ZNF385B: variants seen among roughly 807,000 people sequenced by gnomAD.
ZNF385B encodes the protein zinc finger protein 385B, also known as zinc finger protein 533.
Under a neutral mutation model 39.2 loss-of-function variants are expected in ZNF385B, and 23 were observed. That is an observed-to-expected ratio of 0.59 (90% CI 0.42 to 0.83). ZNF385B has a LOEUF of 0.83. Among genes scored for constraint, ZNF385B ranks in the 40% least tolerant of loss-of-function variants. ZNF385B has a pLI of 0.00. For synonymous variants in ZNF385B, 205 were observed against 222.6 expected (o/e 0.92, Z 0.70); for missense variants, 552 against 598.9 (o/e 0.92, Z 0.82).
intron 3 of ZNF385B, among the ~76,000 whole-genome samples, chr2:179,691,243 G>A (rs143091055): frequency 1.3e-4 from 19 of 151,904 alleles, no homozygotes; most frequent in South Asian, 1.0e-3. Flanking sequence ...CTATGAAAAC[G>A]AACTCAAAAG....
At chr2:179,760,748 C>T (rs1703332984) in intron 3 of ZNF385B, among the ~76,000 whole-genome samples, 2 of 152,068 alleles carry the variant, frequency 1.3e-5, no homozygotes, top group Non-Finnish European at 2.9e-5. Context: ...GAAAGGAGAT[C>T]TGAAGAAAAG....
intron 3 of ZNF385B, among the ~76,000 whole-genome samples, chr2:179,718,950 CTGTGTG>C (rs150262834): frequency 6.7e-6 from 1 of 149,938 alleles, no homozygotes; most frequent in African/African-American, 2.5e-5. Flanking sequence ...CTTTAAAACT[CTGTGTG>C]TGTGTGTGTG....
intron 5 of ZNF385B, among the ~76,000 whole-genome samples, chr2:179,493,460 T>C (rs563565615): frequency 1.3e-5 from 2 of 149,292 alleles, no homozygotes; most frequent in Admixed American, 6.8e-5. Flanking sequence ...TACATGTGTG[T>C]ACATATATGC....
Position 179,688,497 on chromosome 2 carries a change from AAC to A in ZNF385B, c.298+81004_298+81005del, listed in dbSNP as rs1698099572. On this transcript the variant is annotated intron_variant, in intron 3 of 9. Transcript: ENST00000410066. ...CCACCCTGTCCCCCTGCAAAACAAC[AAC>A]AACAACAACAACAACAACAAAAACA... 2.0e-5 allele frequency among the ~76,000 whole-genome samples: 3 copies of A among 149,952 alleles called. No homozygotes were observed. The Admixed American group carries it at 2.0e-4, about 10-fold the overall frequency.
At chr2:179,673,062 T>C (rs1229202073) in intron 3 of ZNF385B, among the ~76,000 whole-genome samples, 3 of 152,138 alleles carry the variant, frequency 2.0e-5, no homozygotes, top group South Asian at 4.1e-4. Context: ...CTGTTTTGGT[T>C]AGATATTGAG....
rs151038210 is a variant in ZNF385B, at chr2:179,454,606, G to A, written c.716-7836C>T. 4.4e-3 allele frequency among the ~76,000 whole-genome samples: 671 copies of A among 152,298 alleles called. 6 individuals are homozygous for A. The highest frequency in any genetic ancestry group is 0.015 in the African/African-American group (627 of 41,558). On this transcript the variant is annotated intron_variant, in intron 6 of 9. Coordinates refer to ENST00000410066, the MANE Select transcript of ZNF385B (RefSeq NM_152520.6). ...TTATCATTTATGACAGCTCCACTGT[G>A]TAATTGTGCCTGGAGACCTTCCAGT...
chr2:179,749,142 A>G lies in ZNF385B; in HGVS notation c.298+20361T>C, dbSNP rs188107544. Reference sequence around the variant, plus strand: ...CAGCAGCTTCCAAAAGTAACTTACTATCCTATAAGATGAGTAACACTTCAG... The same window carrying G: ...CAGCAGCTTCCAAAAGTAACTTACTGTCCTATAAGATGAGTAACACTTCAG... On this transcript the variant is annotated intron_variant, in intron 3 of 9. Transcript: ENST00000410066. 3.9e-5 allele frequency among the ~76,000 whole-genome samples: 6 copies of G among 152,166 alleles called. No homozygotes were observed. In the East Asian group the frequency reaches 9.7e-4, roughly 25 times the overall value.
intron 1 of ZNF385B, among the ~76,000 whole-genome samples, chr2:179,819,691 A>G (rs767684193): frequency 6.6e-6 from 1 of 152,174 alleles, no homozygotes; most frequent in Non-Finnish European, 1.5e-5. Flanking sequence ...CATAGTCACT[A>G]TTGAGATGAT....
chr2:179,605,421 G>A (rs1299702344), intron 3 of ZNF385B, among the ~76,000 whole-genome samples: 1 of 152,036 alleles, frequency 6.6e-6, no homozygotes, highest in Non-Finnish European at 1.5e-5. Flanking sequence ...ATCATCAATT[G>A]TTAATAAGTA....
intron 1 of ZNF385B, among the ~76,000 whole-genome samples, chr2:179,782,585 A>G (rs1212061041): frequency 6.6e-6 from 1 of 152,208 alleles, no homozygotes; most frequent in East Asian, 1.9e-4. Context: ...AGAAAACTCC[A>G]TAGTCTCAGC....
At chr2:179,788,096 T>C (rs1307282479) in intron 1 of ZNF385B, among the ~76,000 whole-genome samples, 2 of 152,206 alleles carry the variant, frequency 1.3e-5, no homozygotes, top group African/African-American at 2.4e-5. Flanking sequence ...GGTCAAAAAG[T>C]GTAACTTATG....
intron 3 of ZNF385B, among the ~76,000 whole-genome samples, chr2:179,571,433 A>AT (rs1288018026): frequency 6.6e-6 from 1 of 152,180 alleles, no homozygotes; most frequent in Non-Finnish European, 1.5e-5. Context: ...CCGAAGGAAG[A>AT]TTACCTCTAT....
chr2:179,632,005 A>G (rs1196890307), intron 3 of ZNF385B, among the ~76,000 whole-genome samples: 1 of 152,188 alleles, frequency 6.6e-6, no homozygotes, highest in African/African-American at 2.4e-5. Context: ...TATCCTAAAT[A>G]TATATGCACC....
chr2:179,696,291 AG>A (rs201192062), intron 3 of ZNF385B, among the ~76,000 whole-genome samples: 227 of 145,440 alleles, frequency 1.6e-3, no homozygotes, highest in Middle Eastern at 0.011. Flanking sequence ...TAAAAAGAAA[AG>A]AAATTATACT....
At chr2:179,641,330 C>T (rs1391511665) in intron 3 of ZNF385B, among the ~76,000 whole-genome samples, 1 of 152,094 alleles carries the variant, frequency 6.6e-6, no homozygotes, top group Non-Finnish European at 1.5e-5. Context: ...AATTGCCCTT[C>T]TCACACCTTC....
At chr2:179,777,623 A>G (rs1180612196) in intron 1 of ZNF385B, among the ~76,000 whole-genome samples, 1 of 152,130 alleles carries the variant, frequency 6.6e-6, no homozygotes, top group Non-Finnish European at 1.5e-5. Flanking sequence ...GGAAAAAAGG[A>G]ATCTATTTGA....
chr2:179,721,060 T>C (rs993785750), intron 3 of ZNF385B, among the ~76,000 whole-genome samples: 1 of 150,994 alleles, frequency 6.6e-6, no homozygotes, highest in African/African-American at 2.4e-5. Flanking sequence ...TGAGCCACTA[T>C]GCCCAGCCCC....
chr2:179,789,118 T>C (rs1705176161), intron 1 of ZNF385B, among the ~76,000 whole-genome samples: 1 of 151,938 alleles, frequency 6.6e-6, no homozygotes, highest in African/African-American at 2.4e-5. Context: ...ACTTTCCCCA[T>C]AAAAGAAGTG....
At chr2:179,493,784 C>CATATATGTATACAT (rs1559338478) in intron 5 of ZNF385B, among the ~76,000 whole-genome samples, 1 of 88,512 alleles carries the variant, frequency 1.1e-5, no homozygotes, top group Non-Finnish European at 2.4e-5. Context: ...TGTATATACA[C>CATATATGTATACAT]ATATGTATAC....
Sources: allele counts gnomAD v4.1 joint callset (sites outside exome capture counted in the v4.1 genomes callset), GRCh38; gene constraint gnomAD v4.1.1; transcripts MANE v1.5; gene names NCBI Gene and HGNC (gene_info 2026-07-23, HGNC 2026-07-21).